Variants in NHSL1 observed in about 807,000 individuals in gnomAD.
NHSL1 encodes NHS-like protein 1.
Under a neutral mutation model 95.0 loss-of-function variants are expected in NHSL1, and 48 were observed. The observed-to-expected ratio is 0.51, with a 90% CI of 0.40 to 0.64. The LOEUF (loss-of-function observed/expected upper bound fraction) is 0.64. NHSL1 is among the 30% of genes least tolerant of loss of function. The pLI is 0.00. For missense variants in NHSL1, 1,971 were observed against 2,077.7 expected (o/e 0.95, Z 1.00); for synonymous variants, 783 against 833.9 (o/e 0.94, Z 1.05).
intron 1 of NHSL1, among the ~76,000 whole-genome samples, chr6:138,562,622 A>G (rs1280529971): frequency 1.3e-5 from 2 of 152,204 alleles, no homozygotes; most frequent in Non-Finnish European, 2.9e-5. Context: ...AGATCACACC[A>G]GTCCACTCCA....
Position 138,424,072 on chromosome 6 carries a change from T to C in NHSL1, c.*9A>G, listed in dbSNP as rs1251370761. ...CCCCGTGTCACCTGGGAGAGTTACG[T>C]TCTTGGCCCTAACTCTCCTCGCTCA... On this transcript the variant is annotated 3_prime_UTR_variant, in exon 8 of 8. Coordinates refer to ENST00000343505, the MANE Select transcript of NHSL1 (RefSeq NM_001144060.2). This position sits in a 1 kb window ranked among gnomAD's most constrained non-coding sequence, Gnocchi z 5.9. 1 of 1,365,428 alleles carries C rather than the reference T, an allele frequency of 7.3e-7. No homozygotes were observed. Among genetic ancestry groups the C allele is most frequent in the Non-Finnish European group, 9.4e-7 (1 of 1,061,360 alleles). 84.6% of individuals were successfully genotyped at this position (1,365,428 alleles called of 1,614,324 possible).
upstream of NHSL1, among the ~76,000 whole-genome samples, chr6:138,576,139 G>A (rs942365657): frequency 4.6e-5 from 7 of 151,970 alleles, no homozygotes; most frequent in South Asian, 2.1e-4. Flanking sequence ...CTACAGGCGC[G>A]CATCTCCACG....
intron 1 of NHSL1, among the ~76,000 whole-genome samples, chr6:138,617,627 T>C (rs1254201535): frequency 3.9e-5 from 6 of 152,296 alleles, no homozygotes; most frequent in African/African-American, 1.2e-4. Context: ...GTGGAACAAA[T>C]AGACAATGAG....
intron 1 of NHSL1, among the ~76,000 whole-genome samples, chr6:138,635,364 C>T (rs1340043993): frequency 1.3e-5 from 2 of 152,106 alleles, no homozygotes; most frequent in African/African-American, 4.8e-5. Flanking sequence ...GACATTACAA[C>T]TGGTACTGCA....
chr6:138,617,018 C>T (rs1242000932), intron 1 of NHSL1, among the ~76,000 whole-genome samples: 3 of 152,164 alleles, frequency 2.0e-5, no homozygotes, highest in Non-Finnish European at 4.4e-5. Context: ...AAATGCAGTG[C>T]TATTCTTTAA....
intron 1 of NHSL1, among the ~76,000 whole-genome samples, chr6:138,687,966 T>TGGGGGG (rs1405764574): frequency 2.0e-5 from 3 of 151,746 alleles, no homozygotes; most frequent in African/African-American, 7.3e-5. Context: ...TTTTTTTTTT[T>TGGGGGG]GGGGACACAG....
chr6:138,423,977 A>G lies in NHSL1; in HGVS notation c.*104T>C, dbSNP rs550781914. The G allele has an allele frequency of 4.2e-6, 5 of 1,186,396 alleles. No individual in the cohort carries two copies. The highest frequency in any genetic ancestry group is 5.4e-6 in the Non-Finnish European group (5 of 933,474). 73.5% of individuals were successfully genotyped at this position (1,186,396 alleles called of 1,614,324 possible). On this transcript the variant is annotated 3_prime_UTR_variant, in exon 8 of 8. Coordinates refer to ENST00000343505, the MANE Select transcript of NHSL1 (RefSeq NM_001144060.2). ...CCCGGGGCCCACAGCACAGAAGCAG[A>G]GTGGGCTCCCCGGGTGAGCCAGGGA...
chr6:138,553,671 T>C (rs1206341976), intron 1 of NHSL1, among the ~76,000 whole-genome samples: 1 of 152,152 alleles, frequency 6.6e-6, no homozygotes, highest in African/African-American at 2.4e-5. Flanking sequence ...AAAAGTCATA[T>C]TTTCCTTACA....
chr6:138,456,450 C>T (rs6902207), intron 3 of NHSL1, among the ~76,000 whole-genome samples: 20,696 of 152,206 alleles, frequency 0.14, 1,440 homozygotes, highest in Middle Eastern at 0.17. Context: ...AGCTGACATG[C>T]CAGTTCAAAG....
Position 138,430,832 on chromosome 6 carries a change from C to T in NHSL1, c.3513G>A (p.Glu1171=), listed in dbSNP as rs1287024205. ...TGCTGGGGCTGGGCCGAGCCTCTGC[C>T]TCCCCAGCGCTTGGAGCTCCAGGGC... ...SRSPGAPSAG[E]AEARPSPSTT... Residue 1171 remains glutamate (E), a synonymous_variant, in exon 6 of 8, where the codon GAG becomes GAA. Transcript: ENST00000343505. This position sits in a 1 kb window ranked among gnomAD's most constrained non-coding sequence, Gnocchi z 4.7. 1 of 1,550,784 alleles carries T rather than the reference C, an allele frequency of 6.4e-7. No homozygotes were observed. Among genetic ancestry groups the T allele is most frequent in the African/African-American group, 1.4e-5 (1 of 73,046 alleles).
chr6:138,666,651 G>C (rs1342629771), intron 1 of NHSL1, among the ~76,000 whole-genome samples: 1 of 149,986 alleles, frequency 6.7e-6, no homozygotes, highest in Non-Finnish European at 1.5e-5. Context: ...ATGGAAAACT[G>C]TGAGACATAT....
At chr6:138,575,305 T>C (rs1193015526), upstream of NHSL1, among the ~76,000 whole-genome samples, 3 of 152,214 alleles carry the variant, frequency 2.0e-5, no homozygotes, top group African/African-American at 7.2e-5. Context: ...GTATCATTAG[T>C]AACTGGCGTG....
intron 1 of NHSL1, among the ~76,000 whole-genome samples, chr6:138,658,099 A>ATAT (rs1157925863): frequency 1.3e-5 from 2 of 152,108 alleles, no homozygotes; most frequent in Non-Finnish European, 2.9e-5. Context: ...ATGGTCCATA[A>ATAT]ATGAGGCTAT....
chr6:138,520,114 CAT>C (rs1265548167), intron 1 of NHSL1, among the ~76,000 whole-genome samples: 1 of 151,852 alleles, frequency 6.6e-6, no homozygotes, highest in Non-Finnish European at 1.5e-5. Flanking sequence ...ACAATAATAA[CAT>C]AATAAGGCAA....
intron 1 of NHSL1, among the ~76,000 whole-genome samples, chr6:138,632,130 C>G (rs967701546): frequency 6.6e-6 from 1 of 152,212 alleles, no homozygotes; most frequent in African/African-American, 2.4e-5. Context: ...GAGGAAGCTC[C>G]TCTGCCTTGG....
chr6:138,511,383 T>TGAGA lies in NHSL1; in HGVS notation c.17-15016_17-15013dup, dbSNP rs145173760. On this transcript the variant is annotated intron_variant, in intron 1 of 4. Transcript: ENST00000342260. ...AAAGGTGAGGTAGACAAAAAACCAC[T>TGAGA]GAGAGAGAGAGAGAGAGTGTGTGTG... 6.0e-3 allele frequency among the ~76,000 whole-genome samples: 905 copies of TGAGA among 150,280 alleles called. 20 individuals are homozygous for TGAGA. Among genetic ancestry groups the TGAGA allele is most frequent in the Admixed American group, 0.047 (711 of 15,092 alleles).
intron 3 of NHSL1, among the ~76,000 whole-genome samples, chr6:138,458,039 G>C (rs550803235): frequency 9.0e-4 from 136 of 151,660 alleles, no homozygotes; most frequent in Non-Finnish European, 1.2e-3. Context: ...CCAACTGTTA[G>C]GGTGATGTTA....
chr6:138,632,457 C>A (rs573122748), intron 1 of NHSL1, among the ~76,000 whole-genome samples: 1 of 152,186 alleles, frequency 6.6e-6, no homozygotes, highest in Non-Finnish European at 1.5e-5. Flanking sequence ...CCAGCGCGGT[C>A]CTAGTAGATG....
At chr6:138,550,538 C>T (rs1436495680), upstream of NHSL1, among the ~76,000 whole-genome samples, 1 of 152,220 alleles carries the variant, frequency 6.6e-6, no homozygotes, top group African/African-American at 2.4e-5. Flanking sequence ...ACTTCTCTCC[C>T]TTGTAGGATT....
Sources: allele counts gnomAD v4.1 joint callset (sites outside exome capture counted in the v4.1 genomes callset), GRCh38; gene constraint gnomAD v4.1.1; non-coding constraint Gnocchi (gnomAD v3.1); transcripts MANE v1.5; gene names NCBI Gene and HGNC (gene_info 2026-07-23, HGNC 2026-07-21).